The following NAV2 variants were observed in gnomAD, a reference collection of about 807,000 sequenced individuals.
NAV2 encodes neuron navigator 2.
A neutral mutation model predicts 223.2 loss-of-function variants in NAV2; 54 were observed. That is an observed-to-expected ratio of 0.24 (90% CI 0.19 to 0.30). The LOEUF is 0.30. Ranked by LOEUF, NAV2 falls within the 10% of genes least tolerant of loss-of-function variation. The probability of loss-of-function intolerance (pLI) is 1.00; values close to 1 mark genes in which losing one functional copy is unlikely to be tolerated. For missense variants in NAV2, 2,806 were observed against 3,147.5 expected (o/e 0.89, Z 2.60); for synonymous variants, 1,279 against 1,239.3 (o/e 1.03, Z -0.67).
chr11:19,605,173 T>C (rs572455366), intron 1 of NAV2, among the ~76,000 whole-genome samples: 1 of 152,314 alleles, frequency 6.6e-6, no homozygotes, highest in South Asian at 2.1e-4. Context: ...CTGCCTGTTT[T>C]TTGAAAGGTC....
intron 6 of NAV2, among the ~76,000 whole-genome samples, chr11:19,914,720 A>G (rs1204575305): frequency 3.3e-5 from 5 of 149,992 alleles, no homozygotes; most frequent in African/African-American, 1.2e-4. Context: ...AATTTTTTGT[A>G]TTTTTAGTAG....
At chr11:19,918,623 A>G (rs1591238379) in intron 6 of NAV2, among the ~76,000 whole-genome samples, 1 of 152,242 alleles carries the variant, frequency 6.6e-6, no homozygotes, top group East Asian at 1.9e-4. Flanking sequence ...GGTTATGATT[A>G]GTATCATGAA....
chr11:19,369,517 G>T (rs1179340903), intron 1 of NAV2, among the ~76,000 whole-genome samples: 1 of 152,142 alleles, frequency 6.6e-6, no homozygotes, highest in Non-Finnish European at 1.5e-5. Flanking sequence ...TGGAGACTGA[G>T]GGTTTTAATG....
intron 22 of NAV2, among the ~76,000 whole-genome samples, chr11:20,069,297 T>G: frequency 6.6e-6 from 1 of 151,966 alleles, no homozygotes; most frequent in Admixed American, 6.6e-5. Flanking sequence ...GTAATTAGTG[T>G]CTATGGCTTG....
chr11:19,680,943 A>G (rs1287061651), intron 1 of NAV2, among the ~76,000 whole-genome samples: 1 of 152,232 alleles, frequency 6.6e-6, no homozygotes, highest in African/African-American at 2.4e-5. Context: ...TGAATCACTT[A>G]GTTCTATTAT....
chr11:19,651,908 G>A (rs914032933), intron 1 of NAV2, among the ~76,000 whole-genome samples: 2 of 152,110 alleles, frequency 1.3e-5, no homozygotes, highest in African/African-American at 4.8e-5. Flanking sequence ...CTGGCAGGAT[G>A]AGTCATAAAG....
chr11:19,766,112 T>A (rs2055201518), intron 1 of NAV2, among the ~76,000 whole-genome samples: 2 of 151,822 alleles, frequency 1.3e-5, no homozygotes, highest in Non-Finnish European at 2.9e-5. Flanking sequence ...ATAAGGACAA[T>A]TTTTTAATTA....
intron 1 of NAV2, among the ~76,000 whole-genome samples, chr11:19,543,160 C>A (rs543036804): frequency 6.6e-6 from 1 of 152,344 alleles, no homozygotes; most frequent in Admixed American, 6.5e-5. Flanking sequence ...GGGTTCAAAT[C>A]CCTGCTCTGC....
chr11:19,998,565 G>A lies in NAV2; in HGVS notation c.2768+14318G>A, dbSNP rs2052186759. Among the ~76,000 whole-genome samples, 1 of 152,126 alleles carries A rather than the reference G, an allele frequency of 6.6e-6. No individual in the cohort carries two copies. The highest frequency in any genetic ancestry group is 1.9e-4 in the East Asian group (1 of 5,178). ...GGCCTCCAAGGGGGTGTGTGTTCTG[G>A]CCCCTGCGCACCTCTCCAGCCTCAC... On this transcript the variant is annotated intron_variant, in intron 11 of 37. Transcript: ENST00000349880. This position sits in a 1 kb window ranked among gnomAD's most constrained non-coding sequence, Gnocchi z 5.0.
At chr11:19,521,185 G>T (rs1416926020) in intron 1 of NAV2, among the ~76,000 whole-genome samples, 1 of 152,146 alleles carries the variant, frequency 6.6e-6, no homozygotes, top group Non-Finnish European at 1.5e-5. Context: ...GTCATTCATA[G>T]TGGGTGGCCA....
At chr11:19,709,746 T>C (rs2049807288), upstream of NAV2, among the ~76,000 whole-genome samples, 1 of 151,430 alleles carries the variant, frequency 6.6e-6, no homozygotes, top group African/African-American at 2.4e-5. Flanking sequence ...GATCGCGCCA[T>C]TGCACTCCAG....
In NAV2 at chr11:20,045,397, G is replaced by T. The variant is rs1342229751; in HGVS notation, c.3629G>T (p.Ser1210Ile). The T allele has an allele frequency of 2.5e-6, 4 of 1,614,060 alleles. No individual in the cohort carries two copies. Among genetic ancestry groups the T allele is most frequent in the African/African-American group, 1.3e-5 (1 of 74,922 alleles). Residue 1210 changes from serine (S) to isoleucine (I), a missense_variant, in exon 14 of 38, where the codon AGC becomes ATC. Transcript: ENST00000349880. ...NSRNGAGNRS[S>I]TSSIDSNISS... ...CGGAACGGGGCTGGGAACAGGTCTA[G>T]CACCAGCAGCATAGATTCCAACATT...
chr11:19,399,483 C>T (rs1849596503), intron 1 of NAV2, among the ~76,000 whole-genome samples: 1 of 152,190 alleles, frequency 6.6e-6, no homozygotes, highest in African/African-American at 2.4e-5. Flanking sequence ...TCTGTACAGG[C>T]CCAGTGTAGG....
chr11:19,467,273 G>A (rs79596366), intron 1 of NAV2, among the ~76,000 whole-genome samples: 1 of 152,106 alleles, frequency 6.6e-6, no homozygotes, highest in Non-Finnish European at 1.5e-5. Context: ...TTTCTTCTGT[G>A]AGTATACCGT....
rs557631115 is a variant in NAV2 at position 19,603,585 on chromosome 11, C to T, written c.76-228899C>T. ...GAGGTTGCAGTGAGCCAAGATTGCG[C>T]CACTGCACTGCACTCCAGCCTGGGC... On this transcript the variant is annotated intron_variant, in intron 1 of 37. Coordinates refer to the NAV2 transcript ENST00000360655. Among the ~76,000 whole-genome samples the T allele has an allele frequency of 3.2e-3, 472 of 148,154 alleles. 5 individuals are homozygous for T. Among genetic ancestry groups the T allele is most frequent in the African/African-American group, 0.011 (453 of 39,844 alleles).
chr11:19,570,216 T>G (rs2045386619), intron 1 of NAV2, among the ~76,000 whole-genome samples: 1 of 152,208 alleles, frequency 6.6e-6, no homozygotes, highest in African/African-American at 2.4e-5. Flanking sequence ...CTGCCTCTGC[T>G]CTGCATGGCT....
At chr11:19,726,954 C>G (rs574867378) in intron 1 of NAV2, among the ~76,000 whole-genome samples, 3 of 152,344 alleles carry the variant, frequency 2.0e-5, no homozygotes, top group African/African-American at 7.2e-5. Flanking sequence ...CCAACTGCCT[C>G]AAATAACCCC....
chr11:19,465,201 C>T (rs1194037489), intron 1 of NAV2, among the ~76,000 whole-genome samples: 1 of 152,150 alleles, frequency 6.6e-6, no homozygotes, highest in Non-Finnish European at 1.5e-5. Flanking sequence ...CTGGGAGTGT[C>T]ATTGCTCCTG....
intron 1 of NAV2, among the ~76,000 whole-genome samples, chr11:19,643,320 C>G (rs2047719133): frequency 7.9e-6 from 1 of 126,096 alleles, no homozygotes; most frequent in South Asian, 3.4e-4. Context: ...CCCCCTCCCC[C>G]CACCCCACGA....
Sources: gnomAD v4.1 joint callset for allele counts (sites outside exome capture counted in the v4.1 genomes callset) on GRCh38, gnomAD v4.1.1 for gene constraint, Gnocchi (gnomAD v3.1) non-coding constraint, MANE v1.5 for transcripts, NCBI Gene and HGNC (gene_info 2026-07-23, HGNC 2026-07-21) for gene names.